EPB41: variants seen among roughly 807,000 people sequenced by gnomAD.
EPB41 encodes erythrocyte membrane protein band 4.1, also known as protein 4.1.
A neutral mutation model predicts 108.0 loss-of-function variants in EPB41; 65 were observed. The ratio of observed to expected loss-of-function variants is 0.60; its 90% CI spans 0.49 to 0.74. EPB41 has a LOEUF of 0.74. Among genes scored for constraint, EPB41 ranks in the 30% least tolerant of loss-of-function variants. The probability of loss-of-function intolerance (pLI) is 0.00; values close to 1 mark genes in which losing one functional copy is unlikely to be tolerated. For synonymous variants in EPB41, 336 were observed against 358.9 expected, an observed-to-expected ratio of 0.94 and a Z score of 0.72; for missense variants, 875 against 1,037.0, an observed-to-expected ratio of 0.84 and a Z score of 2.15.
intron 11 of EPB41, among the ~76,000 whole-genome samples, chr1:29,051,070 C>CTTTCTT (rs1558155069): frequency 1.0e-5 from 1 of 97,930 alleles, no homozygotes; most frequent in East Asian, 2.6e-4. Context: ...ATGAGCATTT[C>CTTTCTT]TTTCTTTTTC....
chr1:29,029,610 C>A (rs893621685), intron 7 of EPB41, among the ~76,000 whole-genome samples: 1 of 152,080 alleles, frequency 6.6e-6, no homozygotes, highest in Non-Finnish European at 1.5e-5. Context: ...ATATTTTTGT[C>A]TTTGAAAGCT....
At chr1:29,009,882 T>C (rs1466660009) in intron 4 of EPB41, among the ~76,000 whole-genome samples, 13 of 152,204 alleles carry the variant, frequency 8.5e-5, no homozygotes, top group Admixed American at 8.5e-4. Flanking sequence ...CTTAGGTTTA[T>C]TGTCTGTTGT....
chr1:28,911,220 G>A (rs924041913), upstream of EPB41: 3 of 971,736 alleles, frequency 3.1e-6, no homozygotes, highest in African/African-American at 5.3e-5. Flanking sequence ...CTGAAGATGT[G>A]TGTCTAAAAT....
intron 1 of EPB41, among the ~76,000 whole-genome samples, chr1:28,942,487 C>T (rs2148803545): frequency 6.6e-6 from 1 of 152,318 alleles, no homozygotes; most frequent in East Asian, 1.9e-4. Context: ...AAGAATATTA[C>T]AGAGAATACA....
At chr1:29,005,383 T>G (rs367925887) in intron 4 of EPB41, among the ~76,000 whole-genome samples, 4 of 152,200 alleles carry the variant, frequency 2.6e-5, no homozygotes, top group African/African-American at 9.6e-5. Flanking sequence ...GATTACAATT[T>G]GACATGAGAT....
At position 29,107,332 on chromosome 1, in the gene EPB41, C is replaced by A. The variant is rs115998641; in HGVS notation, c.2314-2004C>A. On this transcript the variant is annotated intron_variant, in intron 17 of 20. Coordinates refer to ENST00000343067, the MANE Select transcript of EPB41 (RefSeq NM_001376013.1). ...AGACTTCAAACAGGGAGTTTCTTGC[C>A]CTGAGTCCTAGTTCAAACACCCATT... is the stretch of plus-strand genomic sequence containing the variant. 7.2e-3 allele frequency among the ~76,000 whole-genome samples: 1,100 copies of A among 152,186 alleles called. 13 individuals carry two copies. The highest frequency in any genetic ancestry group is 0.026 in the African/African-American group (1,068 of 41,522).
At chr1:28,988,516 T>C (rs574957684) in intron 2 of EPB41, among the ~76,000 whole-genome samples, 53 of 152,134 alleles carry the variant, frequency 3.5e-4, no homozygotes, top group African/African-American at 1.2e-3. Context: ...CTGGCCACCA[T>C]GCCCAGCTAA....
chr1:28,938,358 G>A (rs898689401), intron 1 of EPB41, among the ~76,000 whole-genome samples: 1 of 151,958 alleles, frequency 6.6e-6, no homozygotes, highest in Non-Finnish European at 1.5e-5. Context: ...CGCTTATTTA[G>A]GTCTTCCTTA....
At chr1:29,047,101 C>T (rs1026189898) in intron 11 of EPB41, among the ~76,000 whole-genome samples, 4 of 151,984 alleles carry the variant, frequency 2.6e-5, no homozygotes, top group Non-Finnish European at 2.9e-5. Context: ...TAGAAGAATT[C>T]GCCTATGAAG....
chr1:29,013,356 G>A (rs1181954230), intron 5 of EPB41, among the ~76,000 whole-genome samples: 1 of 151,354 alleles, frequency 6.6e-6, no homozygotes, highest in Admixed American at 6.6e-5. Flanking sequence ...TGATAAAAAC[G>A]CTTTCTTCAA....
chr1:29,100,328 G>C (rs1219638655), intron 17 of EPB41, among the ~76,000 whole-genome samples: 2 of 142,668 alleles, frequency 1.4e-5, no homozygotes, highest in Non-Finnish European at 3.1e-5. Context: ...AAATTAGCTG[G>C]GCATGGTGGC....
intron 16 of EPB41, among the ~76,000 whole-genome samples, chr1:29,081,940 C>G (rs1656861402): frequency 6.6e-6 from 1 of 151,724 alleles, no homozygotes. Flanking sequence ...TAGTATTTCT[C>G]CAAAGCCATG....
At chr1:28,921,938 T>TTTTATATATA (rs370726721) in intron 1 of EPB41, among the ~76,000 whole-genome samples, 1 of 102,632 alleles carries the variant, frequency 9.7e-6, no homozygotes, top group African/African-American at 4.5e-5. Context: ...TTATGAAATT[T>TTTTATATATA]TATATATATA....
chr1:28,932,506 A>T (rs533928597), intron 1 of EPB41, among the ~76,000 whole-genome samples: 10 of 141,302 alleles, frequency 7.1e-5, no homozygotes, highest in African/African-American at 1.6e-4. Flanking sequence ...TACCTCCTTT[A>T]AAAAAAAAAA....
In EPB41 at chr1:29,001,517, A is replaced by C. The variant is rs141500604; in HGVS notation, c.786+4198A>C. On this transcript the variant is annotated intron_variant, in intron 4 of 20. Transcript: ENST00000343067. Reference sequence around the variant, plus strand: ...TTTCTTTGTGTTTTGATAGAGTGCTACTCCTCAGAAATGGTACATGGGATG... The same window carrying C: ...TTTCTTTGTGTTTTGATAGAGTGCTCCTCCTCAGAAATGGTACATGGGATG... Among the ~76,000 whole-genome samples the C allele has an allele frequency of 8.6e-5, 13 of 151,982 alleles. No individual in the cohort carries two copies. The East Asian group carries it at 2.5e-3, about 29-fold the overall frequency.
chr1:28,998,405 GGA>G (rs555238478), intron 4 of EPB41, among the ~76,000 whole-genome samples: 1 of 152,126 alleles, frequency 6.6e-6, no homozygotes, highest in Non-Finnish European at 1.5e-5. Flanking sequence ...GGGGAATCGT[GGA>G]GAGAGTCTTG....
intron 6 of EPB41, among the ~76,000 whole-genome samples, chr1:29,016,345 T>G (rs1278381788): frequency 6.7e-6 from 1 of 148,902 alleles, no homozygotes; most frequent in East Asian, 2.0e-4. Context: ...CCTGCTAATT[T>G]TTTTTTTTTT....
intron 19 of EPB41, among the ~76,000 whole-genome samples, chr1:29,113,222 G>A (rs1669795089): frequency 6.6e-6 from 1 of 152,182 alleles, no homozygotes; most frequent in Non-Finnish European, 1.5e-5. Flanking sequence ...TGCTGGGTGA[G>A]GTTAGAACAG....
intron 1 of EPB41, among the ~76,000 whole-genome samples, chr1:28,944,266 TA>T (rs1411963650): frequency 4.0e-5 from 6 of 151,620 alleles, no homozygotes; most frequent in African/African-American, 7.3e-5. Flanking sequence ...GTTAATTGGT[TA>T]AAAAAAATAG....
Sources: gnomAD v4.1 joint callset for allele counts (sites outside exome capture counted in the v4.1 genomes callset) on GRCh38, gnomAD v4.1.1 for gene constraint, MANE v1.5 for transcripts, NCBI Gene and HGNC (gene_info 2026-07-23, HGNC 2026-07-21) for gene names.